KYNU: variants seen among roughly 807,000 people sequenced by gnomAD.
KYNU encodes kynureninase, also known as L-kynurenine hydrolase.
A neutral mutation model predicts 59.2 loss-of-function variants in KYNU; 54 were observed. That is an observed-to-expected ratio of 0.91 (90% CI 0.73 to 1.14). The LOEUF (loss-of-function observed/expected upper bound fraction) is 1.14, where lower values mean the gene tolerates loss of function less well. Among genes scored for constraint, KYNU ranks in the 50% most tolerant of loss-of-function variants. The pLI, the probability that KYNU is intolerant of heterozygous loss-of-function variation, is 0.00. For synonymous variants in KYNU, 177 were observed against 192.0 expected, an observed-to-expected ratio of 0.92 and a Z score of 0.65; for missense variants, 567 against 554.4, an observed-to-expected ratio of 1.02 and a Z score of -0.23.
At position 142,989,393 on chromosome 2, in the gene KYNU, C is replaced by T. The variant is rs976387395; in HGVS notation, c.902+3372C>T. On this transcript the variant is annotated intron_variant, in intron 10 of 13. Transcript: ENST00000264170. ...CACTGTTAAAGTGTCCAGTATGTAG[C>T]CGAGAACCATATGGAGAACATCAAA... 10 of 990,492 alleles carry T rather than the reference C, an allele frequency of 1.0e-5. No homozygotes were observed. The Admixed American group carries it at 5.8e-4, about 57-fold the overall frequency. 61.4% of individuals were successfully genotyped at this position (990,492 alleles called of 1,614,324 possible).
At chr2:143,016,784 G>C (rs556769036) in intron 10 of KYNU, among the ~76,000 whole-genome samples, 1 of 152,044 alleles carries the variant, frequency 6.6e-6, no homozygotes, top group South Asian at 2.1e-4. Flanking sequence ...ACCTATGCAG[G>C]CTTATTACCT....
At chr2:142,906,362 G>A (rs1178323405) in intron 2 of KYNU, among the ~76,000 whole-genome samples, 1 of 152,232 alleles carries the variant, frequency 6.6e-6, no homozygotes, top group African/African-American at 2.4e-5. Context: ...TGGGTCGGGG[G>A]ATGCTGGGTA....
Position 142,898,965 on chromosome 2 carries a change from C to T in KYNU, c.169+13429C>T, listed in dbSNP as rs114975336. Among the ~76,000 whole-genome samples, 1,483 of 152,238 alleles carry T rather than the reference C, an allele frequency of 9.7e-3. 20 individuals are homozygous for T. The highest frequency in any genetic ancestry group is 0.034 in the African/African-American group (1,431 of 41,532). On this transcript the variant is annotated intron_variant, in intron 2 of 13. Coordinates refer to ENST00000264170, the MANE Select transcript of KYNU (RefSeq NM_003937.3). ...GCCCGATCGGGAGCAGAAATGGGCA[C>T]CTTGCTGGATCAGGAGCACAGCAGA...
chr2:143,004,876 A>G (rs530910730), intron 10 of KYNU, among the ~76,000 whole-genome samples: 5 of 152,312 alleles, frequency 3.3e-5, no homozygotes, highest in African/African-American at 9.6e-5. Context: ...TGCCATCACC[A>G]GTATCTAACC....
chr2:143,021,350 C>A (rs1316289887), intron 10 of KYNU, among the ~76,000 whole-genome samples: 1 of 151,960 alleles, frequency 6.6e-6, no homozygotes, highest in East Asian at 1.9e-4. Context: ...TTTGTTTTCC[C>A]AAATGACATT....
intron 10 of KYNU, among the ~76,000 whole-genome samples, chr2:142,987,976 G>T (rs1685268945): frequency 6.6e-6 from 1 of 151,882 alleles, no homozygotes. Context: ...CCTCTGCCAT[G>T]GTTGTAAGTT....
intron 11 of KYNU, 78 bp downstream of exon 11, chr2:143,029,757 A>G: frequency 1.2e-6 from 1 of 858,224 alleles, no homozygotes; most frequent in East Asian, 2.5e-5. Context: ...TATTATGTGT[A>G]ATGTATATGC....
chr2:142,924,218 C>T (rs2105006187), intron 3 of KYNU, among the ~76,000 whole-genome samples: 1 of 152,248 alleles, frequency 6.6e-6, no homozygotes. Context: ...TATCCTCCCA[C>T]CTCAGTCTCC....
rs1687248033 is a variant in KYNU at position 143,050,560 on chromosome 2, TG to T, written c.*8389del. On this transcript the variant is annotated 3_prime_UTR_variant, in exon 14 of 14. Transcript: ENST00000264170. ...ATCCAGTCATGCAAATTTATATGAA[TG>T]TCAATTCTTTTATAGTGATCTTCTG... 6.6e-6 allele frequency: 1 copy of T among 152,216 alleles called. No homozygotes were observed. Among genetic ancestry groups the T allele is most frequent in the African/African-American group, 2.4e-5 (1 of 41,478 alleles). 9.4% of individuals were successfully genotyped at this position (152,216 alleles called of 1,614,324 possible).
At position 143,035,590 on chromosome 2, in the gene KYNU, TTTTA is replaced by T. The variant is rs1382569817; in HGVS notation, c.1041+2279_1041+2282del. On this transcript the variant is annotated intron_variant, in intron 12 of 13. Transcript: ENST00000264170. The stretch of plus-strand genomic sequence containing the variant: ...CTATTAATACTTACCTTCCTTTAAG[TTTTA>T]TTTATTTATATTTAGAGATGAGGTC... Among the ~76,000 whole-genome samples the T allele has an allele frequency of 5.9e-5, 9 of 152,110 alleles. 1 individual carries two copies. In the South Asian group the frequency reaches 1.2e-3, roughly 21 times the overall value.
intron 10 of KYNU, among the ~76,000 whole-genome samples, chr2:143,007,219 G>A (rs1204646519): frequency 6.6e-6 from 1 of 150,412 alleles, no homozygotes; most frequent in Non-Finnish European, 1.5e-5. Context: ...TAAAGGAGCT[G>A]ATGGAGCTGA....
intron 3 of KYNU, among the ~76,000 whole-genome samples, chr2:142,924,706 T>C (rs351710): frequency 0.026 from 3,949 of 152,312 alleles, 173 homozygotes; most frequent in Admixed American, 0.11. Flanking sequence ...GAGTTAACTC[T>C]CTCCCATGCT....
chr2:142,928,331 G>A (rs1009720970), intron 4 of KYNU, among the ~76,000 whole-genome samples: 9 of 151,890 alleles, frequency 5.9e-5, no homozygotes, highest in African/African-American at 2.2e-4. Context: ...TTATTTAATT[G>A]GCTTAAATAT....
At chr2:142,900,316 G>A (rs987857071) in intron 2 of KYNU, among the ~76,000 whole-genome samples, 24 of 152,170 alleles carry the variant, frequency 1.6e-4, no homozygotes, top group Non-Finnish European at 2.9e-4. Flanking sequence ...GATAGCAAGC[G>A]AAAGCTCAGG....
rs1408303441 is a variant in KYNU at position 143,049,894 on chromosome 2, A to G, written c.*7722A>G. 3 of 151,836 alleles carry G rather than the reference A, an allele frequency of 2.0e-5. No individual in the cohort carries two copies. Among genetic ancestry groups the G allele is most frequent in the Non-Finnish European group, 2.9e-5 (2 of 67,938 alleles). The allele number at this position is 151,836 out of a possible 1,614,324, so 9.4% of individuals were successfully genotyped here. Reference sequence around the variant, plus strand: ...TTCTTTGAAAACTGAGTTAAGTCTGATTTTCCAGAGTTTTTATGTTTGCTT... The same window carrying G: ...TTCTTTGAAAACTGAGTTAAGTCTGGTTTTCCAGAGTTTTTATGTTTGCTT... On this transcript the variant is annotated 3_prime_UTR_variant, in exon 14 of 14. Transcript: ENST00000264170.
chr2:143,023,637 T>G (rs190095066), intron 10 of KYNU, among the ~76,000 whole-genome samples: 334 of 151,954 alleles, frequency 2.2e-3, no homozygotes, highest in Non-Finnish European at 3.3e-3. Context: ...TTACTGTGAA[T>G]TTTTCAAATT....
chr2:142,957,751 GT>G, intron 7 of KYNU, 36 bp downstream of exon 7: 1 of 1,293,180 alleles, frequency 7.7e-7, no homozygotes, highest in Non-Finnish European at 1.1e-6. Flanking sequence ...GTCATGCTTT[GT>G]TTAGTATTGA....
At chr2:143,031,205 C>T (rs1230770805) in intron 11 of KYNU, among the ~76,000 whole-genome samples, 3 of 151,986 alleles carry the variant, frequency 2.0e-5, no homozygotes, top group Admixed American at 6.6e-5. Context: ...GTTATTATAC[C>T]AGTTATTTAA....
intron 2 of KYNU, among the ~76,000 whole-genome samples, chr2:142,906,160 T>C (rs1032641971): frequency 9.2e-5 from 14 of 152,148 alleles, no homozygotes; most frequent in Admixed American, 5.2e-4. Context: ...CAGAAGGAAG[T>C]TCGCTTGTTG....
Sources: allele counts gnomAD v4.1 joint callset (sites outside exome capture counted in the v4.1 genomes callset), GRCh38; gene constraint gnomAD v4.1.1; transcripts MANE v1.5; gene names NCBI Gene and HGNC (gene_info 2026-07-23, HGNC 2026-07-21).